The following YPEL4 variants were observed in gnomAD, a reference collection of about 807,000 sequenced individuals.
YPEL4 encodes the protein yippee like 4.
Under a neutral mutation model 16.3 loss-of-function variants are expected in YPEL4, and 5 were observed. That is an observed-to-expected ratio of 0.31 (90% confidence interval 0.16 to 0.64). The LOEUF is 0.64. Ranked by LOEUF, YPEL4 falls within the 30% of genes least tolerant of loss-of-function variation. The pLI, the probability that YPEL4 is intolerant of heterozygous loss-of-function variation, is 0.79. For missense variants in YPEL4, 127 were observed against 170.0 expected, an observed-to-expected ratio of 0.75 and a Z score of 1.41; for synonymous variants, 61 against 60.7, an observed-to-expected ratio of 1.00 and a Z score of -0.02.
In YPEL4 at chr11:57,645,542, T is replaced by C. The variant is rs990649312; in HGVS notation, c.*439A>G. The stretch of plus-strand genomic sequence containing the variant: ...CTGGTGTCTGAGACCAGAATTTCAC[T>C]CCAACCCAAGTCTTTTCTCATCTGC... On this transcript the variant is annotated 3_prime_UTR_variant, in exon 5 of 5. Coordinates refer to ENST00000300022, the MANE Select transcript of YPEL4 (RefSeq NM_145008.3). The C allele has an allele frequency of 6.1e-6, 1 of 164,016 alleles. No homozygotes were observed. The highest frequency in any genetic ancestry group is 2.4e-5 in the African/African-American group (1 of 41,640). 10.2% of individuals were successfully genotyped at this position (164,016 alleles called of 1,614,324 possible).
In YPEL4 at chr11:57,647,002, C is replaced by A; in HGVS notation, c.106G>T (p.Ala36Ser). 6.3e-7 allele frequency: 1 copy of A among 1,592,234 alleles called. No homozygotes were observed. The highest frequency in any genetic ancestry group is 8.5e-7 in the Non-Finnish European group (1 of 1,169,916). ...AGCTCATCGTGTTTGGCCAGGTGTGCACGGCAGTGGACACAGCTGTAAGTG... is the reference window on the plus strand; with the variant it reads ...AGCTCATCGTGTTTGGCCAGGTGTGAACGGCAGTGGACACAGCTGTAAGTG... ...HRTYSCVHCR[A>S]HLAKHDELIS... The change falls in exon 2 of 5, where the codon GCA becomes TCA. Residue 36 changes from alanine to serine, a missense_variant. By Grantham distance (99) the Ala-to-Ser change is moderately conservative (BLOSUM62 1). Coordinates refer to ENST00000300022, the MANE Select transcript of YPEL4 (RefSeq NM_145008.3). The surrounding 1 kb of genome is among the most constrained non-coding windows in gnomAD (Gnocchi z 4.2).
chr11:57,646,436 C>T, intron 3 of YPEL4, 31 bp from the exon 4 acceptor site: 1 of 1,612,766 alleles, frequency 6.2e-7, no homozygotes, highest in Non-Finnish European at 8.5e-7. Flanking sequence ...GACCCAGCAC[C>T]CAGTGGGGTT....
At chr11:57,646,915 G>A in intron 2 of YPEL4, 52 bp downstream of exon 2, 1 of 1,574,434 alleles carries the variant, frequency 6.4e-7, no homozygotes, top group Non-Finnish European at 8.6e-7. Context: ...GTGATGTTCA[G>A]GCTAGCCTGG....
At position 57,645,938 on chromosome 11, in the gene YPEL4, A is replaced by C; in HGVS notation, c.*43T>G. 1 of 1,597,466 alleles carries C rather than the reference A, an allele frequency of 6.3e-7. No homozygotes were observed. The highest frequency in any genetic ancestry group is 2.2e-5 in the East Asian group (1 of 44,818). On this transcript the variant is annotated 3_prime_UTR_variant, in exon 5 of 5. Transcript: ENST00000300022. ...TAGACTGCTTGGCAGGGCCGTGGGG[A>C]GGGAGGGGCATGCGGAGGAAGGGCA...
At position 57,645,936 on chromosome 11, in the gene YPEL4, G is replaced by C; in HGVS notation, c.*45C>G. ...TATAGACTGCTTGGCAGGGCCGTGGGGAGGGAGGGGCATGCGGAGGAAGGG... is the reference window on the plus strand; with the variant it reads ...TATAGACTGCTTGGCAGGGCCGTGGCGAGGGAGGGGCATGCGGAGGAAGGG... On this transcript the variant is annotated 3_prime_UTR_variant, in exon 5 of 5. Coordinates refer to ENST00000300022, the MANE Select transcript of YPEL4 (RefSeq NM_145008.3). The C allele has an allele frequency of 6.3e-7, 1 of 1,597,248 alleles. No individual in the cohort carries two copies. The highest frequency in any genetic ancestry group is 8.6e-7 in the Non-Finnish European group (1 of 1,167,864).
rs892728317 is a variant in YPEL4 at position 57,645,803 on chromosome 11, C to T, written c.*178G>A. 8 of 624,146 alleles carry T rather than the reference C, an allele frequency of 1.3e-5. No individual in the cohort carries two copies. The South Asian group carries it at 1.4e-4, about 11-fold the overall frequency. The allele number at this position is 624,146 out of a possible 1,614,324, so 38.7% of individuals were successfully genotyped here. On this transcript the variant is annotated 3_prime_UTR_variant, in exon 5 of 5. Coordinates refer to ENST00000300022, the MANE Select transcript of YPEL4 (RefSeq NM_145008.3). The stretch of plus-strand genomic sequence containing the variant: ...CCTGAGCCTTAACACCCCTGGGGTA[C>T]CCCCAGACCCCTGTTCTAAAGGGTG...
chr11:57,646,855 C>A, intron 2 of YPEL4, 61 bp from the exon 3 acceptor site: 1 of 1,607,506 alleles, frequency 6.2e-7, no homozygotes, highest in East Asian at 2.2e-5. Context: ...TGCCTGAATC[C>A]CCGCAGGGGT....
rs1276855556 is a variant in YPEL4 at position 57,647,311 on chromosome 11, C to T, written c.-184-20G>A. ...AGTCACCTGGGAAGAGGGGAAAGGA[C>T]ATCAGGGGAGCTGCGACCTCAGGAG... On this transcript the variant is annotated intron_variant, in intron 1 of 4. Transcript: ENST00000300022. This position sits in a 1 kb window ranked among gnomAD's most constrained non-coding sequence, Gnocchi z 4.2. The T allele has an allele frequency of 1.6e-6, 1 of 631,934 alleles. No homozygotes were observed. Among genetic ancestry groups the T allele is most frequent in the Non-Finnish European group, 2.5e-6 (1 of 401,870 alleles). 39.1% of individuals were successfully genotyped at this position (631,934 alleles called of 1,614,324 possible). A position where few individuals can be genotyped will look rare whatever the true frequency, so the allele number is the denominator to read the frequency against.
intron 3 of YPEL4, 67 bp from the exon 4 acceptor site, chr11:57,646,472 GC>G: frequency 6.4e-7 from 1 of 1,567,838 alleles, no homozygotes; most frequent in South Asian, 1.1e-5. Context: ...TCCCCAGACA[GC>G]CCAAGGGAAC....
In YPEL4 at chr11:57,645,944, G is replaced by A. The variant is rs371825143; in HGVS notation, c.*37C>T. 1,899 of 1,602,688 alleles carry A rather than the reference G, an allele frequency of 1.2e-3. 4 individuals are homozygous for A. Among genetic ancestry groups the A allele is most frequent in the Middle Eastern group, 5.6e-3 (32 of 5,682 alleles). The stretch of plus-strand genomic sequence containing the variant: ...GCTTGGCAGGGCCGTGGGGAGGGAG[G>A]GGCATGCGGAGGAAGGGCACACCCT... On this transcript the variant is annotated 3_prime_UTR_variant, in exon 5 of 5. Transcript: ENST00000300022.
Position 57,647,048 on chromosome 11 carries a change from G to T in YPEL4, c.60C>A (p.Ser20Arg). Reference protein sequence around the residue: ...PACLPTKTFRSYLPRCHRTYS... With the variant: ...PACLPTKTFRRYLPRCHRTYS... The stretch of plus-strand genomic sequence containing the variant: ...AAGTGCGGTGACAGCGGGGCAGATA[G>T]CTGCGGAAAGTCTTGGTGGGGAGGC... Residue 20 changes from serine (S) to arginine (R), a missense_variant, in exon 2 of 5, where the codon AGC (serine) becomes AGA (arginine). Ser to Arg is a moderately radical substitution (Grantham distance 110). Transcript: ENST00000300022. This position sits in a 1 kb window ranked among gnomAD's most constrained non-coding sequence, Gnocchi z 4.2. 1.3e-6 allele frequency: 2 copies of T among 1,598,118 alleles called. No homozygotes were observed. The highest frequency in any genetic ancestry group is 1.7e-6 in the Non-Finnish European group (2 of 1,173,746).
rs567515069 is a variant in YPEL4, at chr11:57,647,250, C to T, written c.-143G>A. The stretch of plus-strand genomic sequence containing the variant: ...GAGAAGTGTTGGGGGGCTGCCCGGC[C>T]AGGGCCCCCCCAGACGAGAACCAGA... On this transcript the variant is annotated 5_prime_UTR_variant, in exon 2 of 5. Transcript: ENST00000300022. The surrounding 1 kb of genome is among the most constrained non-coding windows in gnomAD (Gnocchi z 4.2). The T allele has an allele frequency of 5.2e-6, 6 of 1,147,050 alleles. No homozygotes were observed. In the South Asian group the frequency reaches 7.6e-5, roughly 15 times the overall value. 71.1% of individuals were successfully genotyped at this position (1,147,050 alleles called of 1,614,324 possible). A position where few individuals can be genotyped will look rare whatever the true frequency, so the allele number is the denominator to read the frequency against.
chr11:57,647,162 C>A lies in YPEL4; in HGVS notation c.-55G>T, dbSNP rs1353145301. 2 of 1,490,644 alleles carry A rather than the reference C, an allele frequency of 1.3e-6. No homozygotes were observed. Among genetic ancestry groups the A allele is most frequent in the Non-Finnish European group, 1.8e-6 (2 of 1,121,990 alleles). The allele number at this position is 1,490,644 out of a possible 1,614,324, so 92.3% of individuals were successfully genotyped here. On this transcript the variant is annotated 5_prime_UTR_variant, in exon 2 of 5. Coordinates refer to ENST00000300022, the MANE Select transcript of YPEL4 (RefSeq NM_145008.3). This position sits in a 1 kb window ranked among gnomAD's most constrained non-coding sequence, Gnocchi z 4.2. ...CTGGAGGGGCTGGCGCCGTGCAGCC[C>A]CCGCAGAGACGGTCGCAGGTGAAGC...
At chr11:57,646,497 G>T in intron 3 of YPEL4, 92 bp from the exon 4 acceptor site, 2 of 1,437,386 alleles carry the variant, frequency 1.4e-6, no homozygotes, top group Admixed American at 1.8e-5. Context: ...CATCTGGAGA[G>T]AACTGGACAG....
In YPEL4 at chr11:57,645,859, G is replaced by A. The variant is rs1945724754; in HGVS notation, c.*122C>T. 1 of 879,436 alleles carries A rather than the reference G, an allele frequency of 1.1e-6. No individual in the cohort carries two copies. The highest frequency in any genetic ancestry group is 2.5e-5 in the East Asian group (1 of 39,248). The allele number at this position is 879,436 out of a possible 1,614,324, so 54.5% of individuals were successfully genotyped here. On this transcript the variant is annotated 3_prime_UTR_variant, in exon 5 of 5. Transcript: ENST00000300022. The stretch of plus-strand genomic sequence containing the variant: ...TAGTGGATATGGTGGAGGCAGGGGA[G>A]GGGTTGGTTGGAGCCAGGTTTCCCC...
chr11:57,646,893 C>T (rs1001473544), intron 2 of YPEL4, 74 bp downstream of exon 2: 1 of 1,587,266 alleles, frequency 6.3e-7, no homozygotes, highest in African/African-American at 1.3e-5. Flanking sequence ...AGCTTTGCTG[C>T]CTCACCCCTG....
Position 57,647,001 on chromosome 11 carries a change from G to T in YPEL4, c.107C>A (p.Ala36Glu). 1.3e-6 allele frequency: 2 copies of T among 1,592,158 alleles called. No homozygotes were observed. The highest frequency in any genetic ancestry group is 1.7e-6 in the Non-Finnish European group (2 of 1,169,874). The change falls in exon 2 of 5, where the codon GCA becomes GAA. Residue 36 changes from alanine (A) to glutamate (E), a missense_variant. Coordinates refer to ENST00000300022, the MANE Select transcript of YPEL4 (RefSeq NM_145008.3). The surrounding 1 kb of genome is among the most constrained non-coding windows in gnomAD (Gnocchi z 4.2). ...AAGCTCATCGTGTTTGGCCAGGTGT[G>T]CACGGCAGTGGACACAGCTGTAAGT... The part of the protein sequence containing the change: ...HRTYSCVHCR[A>E]HLAKHDELIS...
chr11:57,648,621 C>G (rs767620054), intron 1 of YPEL4: 9 of 152,676 alleles, frequency 5.9e-5, no homozygotes, highest in Admixed American at 1.3e-4. Context: ...TCCTGTCCTC[C>G]GCAGTGGCCA....
rs767553545 is a variant in YPEL4, at chr11:57,645,909, G to C, written c.*72C>G. 1.3e-6 allele frequency: 2 copies of C among 1,507,890 alleles called. No homozygotes were observed. The highest frequency in any genetic ancestry group is 3.4e-5 in the Admixed American group (2 of 58,870). The allele number at this position is 1,507,890 out of a possible 1,614,324, so 93.4% of individuals were successfully genotyped here. On this transcript the variant is annotated 3_prime_UTR_variant, in exon 5 of 5. Coordinates refer to ENST00000300022, the MANE Select transcript of YPEL4 (RefSeq NM_145008.3). The stretch of plus-strand genomic sequence containing the variant: ...CCAGGGGTGGGGCAGTACTCATGCT[G>C]GTATAGACTGCTTGGCAGGGCCGTG...
Sources: gnomAD v4.1 joint callset for allele counts on GRCh38, gnomAD v4.1.1 for gene constraint, Gnocchi (gnomAD v3.1) non-coding constraint, MANE v1.5 for transcripts, NCBI Gene and HGNC (gene_info 2026-07-23, HGNC 2026-07-21) for gene names.